MSI2: variants seen among roughly 807,000 people sequenced by gnomAD.
MSI2 encodes the protein RNA-binding protein Musashi homolog 2.
MSI2 carries 17 observed loss-of-function variants against 45.6 expected under a neutral mutation model. The ratio of observed to expected loss-of-function variants is 0.37; its 90% CI spans 0.26 to 0.56. The LOEUF (loss-of-function observed/expected upper bound fraction) is 0.56, where lower values mean the gene tolerates loss of function less well. MSI2 is among the 20% of genes least tolerant of loss of function. MSI2 has a pLI of 0.77. For synonymous variants in MSI2, 156 were observed against 158.2 expected (o/e 0.99, Z 0.11); for missense variants, 293 against 444.2 (o/e 0.66, Z 3.06).
At chr17:57,689,331 A>G (rs1567980743), downstream of MSI2, among the ~76,000 whole-genome samples, 1 of 152,198 alleles carries the variant, frequency 6.6e-6, no homozygotes, top group Non-Finnish European at 1.5e-5. Flanking sequence ...GAGTTAATAG[A>G]AAAAGAAAAG....
chr17:57,455,847 C>T (rs955614275), intron 6 of MSI2, among the ~76,000 whole-genome samples: 12 of 152,330 alleles, frequency 7.9e-5, no homozygotes, highest in East Asian at 1.9e-4. Context: ...CTCCGCAGCA[C>T]GCACACAGGC....
intron 6 of MSI2, among the ~76,000 whole-genome samples, chr17:57,464,425 C>T (rs567796389): frequency 2.1e-4 from 32 of 152,182 alleles, no homozygotes; most frequent in East Asian, 7.7e-4. Flanking sequence ...GCCTGGGCAA[C>T]GGAGCAAGAC....
chr17:57,451,295 G>T (rs2085014602), intron 6 of MSI2, among the ~76,000 whole-genome samples: 1 of 152,008 alleles, frequency 6.6e-6, no homozygotes, highest in South Asian at 2.1e-4. Flanking sequence ...CATGTGTGTG[G>T]GTGCACATTT....
At chr17:57,541,905 C>T (rs964367324) in intron 7 of MSI2, among the ~76,000 whole-genome samples, 2 of 152,138 alleles carry the variant, frequency 1.3e-5, no homozygotes, top group Non-Finnish European at 1.5e-5. Flanking sequence ...ATGTGTCCAG[C>T]GTTGGTGCCT....
chr17:57,674,005 A>G (rs947736196), intron 11 of MSI2, among the ~76,000 whole-genome samples: 2 of 151,318 alleles, frequency 1.3e-5, no homozygotes, highest in Middle Eastern at 3.4e-3. Context: ...CTTCTCCTGC[A>G]GGAGGTGAGT....
At chr17:57,623,595 T>TG (rs1010994053) in intron 9 of MSI2, among the ~76,000 whole-genome samples, 9 of 152,006 alleles carry the variant, frequency 5.9e-5, no homozygotes, top group Admixed American at 6.5e-5. Context: ...GATTTTTTTT[T>TG]ACTTTAGTGA....
chr17:57,666,506 C>T (rs571575661), intron 11 of MSI2, among the ~76,000 whole-genome samples: 120 of 152,308 alleles, frequency 7.9e-4, no homozygotes, highest in Non-Finnish European at 1.5e-3. Context: ...ACCTCCAGGC[C>T]CTGTTTTGTC....
chr17:57,627,552 A>T lies in MSI2; in HGVS notation c.727+249A>T, dbSNP rs1435617356. On this transcript the variant is annotated intron_variant, in intron 10 of 13. Coordinates refer to ENST00000284073, the MANE Select transcript of MSI2 (RefSeq NM_138962.4). This position sits in a 1 kb window ranked among gnomAD's most constrained non-coding sequence, Gnocchi z 4.6. The stretch of plus-strand genomic sequence containing the variant: ...AGCTTTTAAAGGGAAAGCAGAACGG[A>T]GGCAGGAGGCCTCCCTGTGCTCACC... 1 of 554,028 alleles carries T rather than the reference A, an allele frequency of 1.8e-6. No homozygotes were observed. The highest frequency in any genetic ancestry group is 1.9e-5 in the African/African-American group (1 of 52,626). The allele number at this position is 554,028 out of a possible 1,614,324, so 34.3% of individuals were successfully genotyped here. A position where few individuals can be genotyped will look rare whatever the true frequency, so the allele number is the denominator to read the frequency against.
chr17:57,521,470 C>G (rs1467514086), intron 6 of MSI2, among the ~76,000 whole-genome samples: 1 of 152,186 alleles, frequency 6.6e-6, no homozygotes, highest in African/African-American at 2.4e-5. Flanking sequence ...TCATTTTTGG[C>G]TCTTCCGAGC....
intron 5 of MSI2, among the ~76,000 whole-genome samples, chr17:57,347,394 T>C (rs939902434): frequency 6.6e-6 from 1 of 152,202 alleles, no homozygotes. Context: ...GAGTGTGGCA[T>C]TATAGCACCA....
intron 10 of MSI2, chr17:57,633,199 C>T (rs1909560661): frequency 7.9e-6 from 8 of 1,011,940 alleles, no homozygotes; most frequent in South Asian, 4.7e-5. Context: ...TGTGTGCTGC[C>T]GTCTCTTAGC....
At chr17:57,631,371 C>A in intron 10 of MSI2, 1 of 160,552 alleles carries the variant, frequency 6.2e-6, no homozygotes, top group Non-Finnish European at 1.4e-5. Flanking sequence ...TTTCTATGAA[C>A]ATCCATCTCA....
chr17:57,620,725 A>G (rs925628163), intron 9 of MSI2, among the ~76,000 whole-genome samples: 1 of 152,182 alleles, frequency 6.6e-6, no homozygotes, highest in Non-Finnish European at 1.5e-5. Flanking sequence ...TCCAGGCCTC[A>G]TCAGCCCTGG....
At chr17:57,271,962 G>A (rs1908416124) in intron 5 of MSI2, among the ~76,000 whole-genome samples, 1 of 152,026 alleles carries the variant, frequency 6.6e-6, no homozygotes, top group Non-Finnish European at 1.5e-5. Context: ...GCGGGCTTTT[G>A]GGCCGCCTAG....
intron 5 of MSI2, among the ~76,000 whole-genome samples, chr17:57,317,311 C>T (rs1912928645): frequency 6.6e-6 from 1 of 152,114 alleles, no homozygotes; most frequent in African/African-American, 2.4e-5. Flanking sequence ...CCTGGAGACT[C>T]TTATTTCAGG....
intron 6 of MSI2, among the ~76,000 whole-genome samples, chr17:57,480,207 C>T (rs2085620953): frequency 1.3e-5 from 2 of 152,178 alleles, no homozygotes; most frequent in South Asian, 4.1e-4. Flanking sequence ...AAGTTATCCA[C>T]CTGCCTCAGC....
intron 5 of MSI2, among the ~76,000 whole-genome samples, chr17:57,313,678 GC>G (rs1231595509): frequency 6.6e-6 from 1 of 152,222 alleles, no homozygotes; most frequent in Non-Finnish European, 1.5e-5. Flanking sequence ...AGAAGTTACT[GC>G]TTGCAAGGTG....
At chr17:57,424,819 G>A (rs1367827116) in intron 6 of MSI2, among the ~76,000 whole-genome samples, 1 of 152,162 alleles carries the variant, frequency 6.6e-6, no homozygotes, top group African/African-American at 2.4e-5. Context: ...AGGACAGCCA[G>A]TGTCATCCCT....
chr17:57,641,611 C>A (rs532590622), intron 10 of MSI2, among the ~76,000 whole-genome samples: 2 of 152,238 alleles, frequency 1.3e-5, no homozygotes, highest in Non-Finnish European at 2.9e-5. Flanking sequence ...CGTAGTTTGT[C>A]CTGACACTCA....
Sources: gnomAD v4.1 joint callset for allele counts (sites outside exome capture counted in the v4.1 genomes callset) on GRCh38, gnomAD v4.1.1 for gene constraint, Gnocchi (gnomAD v3.1) non-coding constraint, MANE v1.5 for transcripts, NCBI Gene and HGNC (gene_info 2026-07-23, HGNC 2026-07-21) for gene names.